The following METTL15 variants were observed in gnomAD, a reference collection of about 807,000 sequenced individuals.
METTL15 encodes the protein methyltransferase 15, mitochondrial 12S rRNA N4-cytidine.
A neutral mutation model predicts 38.3 loss-of-function variants in METTL15; 34 were observed. That is an observed-to-expected ratio of 0.89 (90% CI 0.68 to 1.18). METTL15 has a LOEUF of 1.18. Ranked by LOEUF, METTL15 falls within the 50% of genes most tolerant of loss-of-function variation. The pLI, the probability that METTL15 is intolerant of heterozygous loss-of-function variation, is 0.00. For synonymous variants in METTL15, 162 were observed against 170.9 expected (o/e 0.95, Z 0.41); for missense variants, 438 against 498.4 (o/e 0.88, Z 1.15).
chr11:28,419,924 G>A (rs990183579), intron 5 of METTL15, among the ~76,000 whole-genome samples: 5 of 152,044 alleles, frequency 3.3e-5, no homozygotes, highest in Admixed American at 6.6e-5. Flanking sequence ...TCAAACAGAA[G>A]AGAGAATTAG....
At chr11:28,314,952 T>C (rs1590311437) in intron 6 of METTL15, among the ~76,000 whole-genome samples, 1 of 152,348 alleles carries the variant, frequency 6.6e-6, no homozygotes, top group South Asian at 2.1e-4. Context: ...TTGTGAGGCT[T>C]CCGCAGCCAT....
chr11:28,162,736 G>A (rs950771334), intron 3 of METTL15, among the ~76,000 whole-genome samples: 2 of 151,962 alleles, frequency 1.3e-5, no homozygotes, highest in African/African-American at 4.8e-5. Context: ...TTTTGTAGTA[G>A]ACAAATAGGT....
intron 5 of METTL15, among the ~76,000 whole-genome samples, chr11:28,362,901 G>T (rs895098190): frequency 6.6e-6 from 1 of 152,150 alleles, no homozygotes; most frequent in Non-Finnish European, 1.5e-5. Context: ...ATGAACAGAG[G>T]TTCTATTTTA....
chr11:28,371,697 T>C (rs1459270421), intron 5 of METTL15, among the ~76,000 whole-genome samples: 8 of 152,092 alleles, frequency 5.3e-5, no homozygotes, highest in Admixed American at 3.3e-4. Flanking sequence ...TTACTTTGTA[T>C]AGACCTTTCA....
At chr11:28,421,546 T>A (rs1037359063) in intron 5 of METTL15, among the ~76,000 whole-genome samples, 12 of 151,954 alleles carry the variant, frequency 7.9e-5, no homozygotes, top group Admixed American at 2.6e-4. Context: ...GATGCAAAAA[T>A]CATTCAACAT....
At chr11:28,272,820 A>G (rs1421607743) in intron 4 of METTL15, among the ~76,000 whole-genome samples, 2 of 152,212 alleles carry the variant, frequency 1.3e-5, no homozygotes, top group South Asian at 2.1e-4. Context: ...AAAGCTATCT[A>G]CAGGAATACT....
At chr11:28,353,109 C>T (rs763096099) in intron 4 of METTL15, among the ~76,000 whole-genome samples, 1 of 152,092 alleles carries the variant, frequency 6.6e-6, no homozygotes, top group Non-Finnish European at 1.5e-5. Context: ...AGCCCATATT[C>T]TGGGGCTCCA....
At chr11:28,122,189 A>C (rs1852271356) in intron 3 of METTL15, 1 of 1,256,092 alleles carries the variant, frequency 8.0e-7, no homozygotes, top group South Asian at 1.4e-5. Flanking sequence ...AGGTAAATTT[A>C]ACATTTTTTT....
intron 3 of METTL15, among the ~76,000 whole-genome samples, chr11:28,180,326 T>A (rs943634486): frequency 6.6e-6 from 1 of 151,904 alleles, no homozygotes; most frequent in Admixed American, 6.6e-5. Context: ...CTTTGAACAA[T>A]CCTGGATTCA....
At chr11:28,515,196 T>C (rs1265393002) in intron 6 of METTL15, among the ~76,000 whole-genome samples, 1 of 152,116 alleles carries the variant, frequency 6.6e-6, no homozygotes, top group African/African-American at 2.4e-5. Context: ...GTCAGGGAAC[T>C]GGTAAATAGG....
At chr11:28,378,363 C>T (rs560850342) in intron 5 of METTL15, among the ~76,000 whole-genome samples, 5 of 152,238 alleles carry the variant, frequency 3.3e-5, no homozygotes, top group East Asian at 1.9e-4. Flanking sequence ...CGTGGTGCAT[C>T]GCTTTTTAAG....
chr11:28,483,383 C>G (rs992034141), intron 6 of METTL15, among the ~76,000 whole-genome samples: 1 of 152,080 alleles, frequency 6.6e-6, no homozygotes, highest in African/African-American at 2.4e-5. Context: ...CCTTTGGCCT[C>G]GACATTAAGA....
At chr11:28,287,389 C>T (rs547859732) in intron 4 of METTL15, 19 of 358,370 alleles carry the variant, frequency 5.3e-5, no homozygotes, top group African/African-American at 3.7e-4. Flanking sequence ...AGTTGTACAT[C>T]AAATCTGGGG....
intron 3 of METTL15, among the ~76,000 whole-genome samples, chr11:28,141,245 A>T (rs1459131251): frequency 6.6e-6 from 1 of 152,158 alleles, no homozygotes; most frequent in Non-Finnish European, 1.5e-5. Flanking sequence ...TCATGTGCTG[A>T]GTCAGTATCT....
chr11:28,385,870 G>A (rs1850435164), intron 5 of METTL15, among the ~76,000 whole-genome samples: 1 of 152,136 alleles, frequency 6.6e-6, no homozygotes, highest in East Asian at 1.9e-4. Flanking sequence ...GGAACCAGAA[G>A]TCTCATAAAT....
chr11:28,148,929 A>G (rs1364258516), intron 3 of METTL15, among the ~76,000 whole-genome samples: 2 of 151,956 alleles, frequency 1.3e-5, no homozygotes, highest in East Asian at 3.9e-4. Context: ...CCATTAATTT[A>G]TAACTTACTG....
intron 6 of METTL15, among the ~76,000 whole-genome samples, chr11:28,485,295 T>A (rs1217766019): frequency 6.6e-6 from 1 of 152,154 alleles, no homozygotes; most frequent in African/African-American, 2.4e-5. Flanking sequence ...ATGCTGGATA[T>A]AATAATGACA....
chr11:28,457,780 A>G (rs1039551456), intron 6 of METTL15, among the ~76,000 whole-genome samples: 4 of 152,226 alleles, frequency 2.6e-5, no homozygotes, highest in African/African-American at 4.8e-5. Context: ...ACGTTGTTTC[A>G]TAATTGCCAA....
intron 5 of METTL15, among the ~76,000 whole-genome samples, chr11:28,362,622 A>G (rs1455478156): frequency 6.6e-6 from 1 of 152,228 alleles, no homozygotes; most frequent in Non-Finnish European, 1.5e-5. Context: ...GTCACTTAGA[A>G]TAATGAATGG....
Sources: allele counts gnomAD v4.1 joint callset (sites outside exome capture counted in the v4.1 genomes callset), GRCh38; gene constraint gnomAD v4.1.1; transcripts MANE v1.5; gene names NCBI Gene and HGNC (gene_info 2026-07-23, HGNC 2026-07-21).